Variants in MAN1A1 observed in about 807,000 individuals in gnomAD.
The protein encoded by MAN1A1 is mannosidase alpha class 1A member 1, also known as mannosyl-oligosaccharide 1,2-alpha-mannosidase IA.
Under a neutral mutation model 70.8 loss-of-function variants are expected in MAN1A1, and 29 were observed. The observed-to-expected ratio is 0.41, with a 90% CI of 0.31 to 0.56. The LOEUF (loss-of-function observed/expected upper bound fraction) is 0.56. MAN1A1 is among the 20% of genes least tolerant of loss of function. MAN1A1 has a pLI of 0.29. For synonymous variants in MAN1A1, 349 were observed against 330.1 expected (o/e 1.06, Z -0.62); for missense variants, 747 against 841.3 (o/e 0.89, Z 1.39).
At chr6:119,339,788 A>C (rs547645287) in intron 2 of MAN1A1, among the ~76,000 whole-genome samples, 21 of 152,354 alleles carry the variant, frequency 1.4e-4, no homozygotes, top group Middle Eastern at 3.4e-3. Flanking sequence ...TTCTAAAGCA[A>C]GCCTTTAAGA....
intron 5 of MAN1A1, among the ~76,000 whole-genome samples, chr6:119,276,209 T>A (rs1407321909): frequency 6.6e-6 from 1 of 152,200 alleles, no homozygotes; most frequent in Admixed American, 6.5e-5. Flanking sequence ...GTAGTCCTCA[T>A]CATCTCCCTT....
intron 2 of MAN1A1, chr6:119,327,194 G>A (rs1455329667): frequency 6.6e-6 from 1 of 152,108 alleles, no homozygotes; most frequent in Non-Finnish European, 1.5e-5. Flanking sequence ...TCAGCTGGGG[G>A]CAGAAGAGAT....
At chr6:119,315,187 G>A (rs1198405201) in intron 2 of MAN1A1, among the ~76,000 whole-genome samples, 2 of 152,200 alleles carry the variant, frequency 1.3e-5, no homozygotes, top group African/African-American at 4.8e-5. Context: ...TCAGATTGAG[G>A]TGTCCTGAAT....
chr6:119,182,199 C>T (rs1337558025), intron 11 of MAN1A1, among the ~76,000 whole-genome samples: 4 of 152,150 alleles, frequency 2.6e-5, no homozygotes, highest in African/African-American at 9.7e-5. Flanking sequence ...TCTTCAGGTC[C>T]TTTGCCTATT....
intron 6 of MAN1A1, among the ~76,000 whole-genome samples, chr6:119,227,841 C>A (rs1325354356): frequency 6.6e-6 from 1 of 151,872 alleles, no homozygotes; most frequent in African/African-American, 2.4e-5. Flanking sequence ...TTATTTTTTC[C>A]CATGAAAATT....
chr6:119,216,875 CAG>C (rs1329956844), intron 6 of MAN1A1, among the ~76,000 whole-genome samples: 3 of 152,164 alleles, frequency 2.0e-5, no homozygotes, highest in Non-Finnish European at 2.9e-5. Context: ...TTGCTGAAAA[CAG>C]AAAGTATCCT....
At chr6:119,198,773 T>G (rs1205529588) in intron 8 of MAN1A1, among the ~76,000 whole-genome samples, 1 of 152,238 alleles carries the variant, frequency 6.6e-6, no homozygotes, top group Non-Finnish European at 1.5e-5. Context: ...TTGCTATATG[T>G]TGTTTTGGCT....
At chr6:119,289,705 G>A (rs1203992717) in intron 5 of MAN1A1, among the ~76,000 whole-genome samples, 2 of 151,950 alleles carry the variant, frequency 1.3e-5, no homozygotes, top group African/African-American at 4.8e-5. Context: ...TAAACAGAGA[G>A]GAAATGTAAG....
chr6:119,311,855 C>T (rs1772716415), intron 2 of MAN1A1, among the ~76,000 whole-genome samples: 1 of 152,084 alleles, frequency 6.6e-6, no homozygotes, highest in African/African-American at 2.4e-5. Context: ...CCAACAGATG[C>T]TAGGTAAGGT....
At chr6:119,182,932 T>C (rs144907920) in intron 11 of MAN1A1, among the ~76,000 whole-genome samples, 2 of 152,058 alleles carry the variant, frequency 1.3e-5, no homozygotes, top group Admixed American at 6.6e-5. Context: ...ATGGAAAGCA[T>C]AGACTTTGCC....
chr6:119,286,846 A>G (rs1194445862), intron 5 of MAN1A1, among the ~76,000 whole-genome samples: 3 of 152,110 alleles, frequency 2.0e-5, no homozygotes, highest in Non-Finnish European at 4.4e-5. Context: ...CAGGTATCTT[A>G]TTCAACTGTC....
At chr6:119,203,818 T>A (rs1773783777) in intron 7 of MAN1A1, among the ~76,000 whole-genome samples, 1 of 152,032 alleles carries the variant, frequency 6.6e-6, no homozygotes, top group African/African-American at 2.4e-5. Context: ...AGTGGAGATG[T>A]TTAATAAACA....
chr6:119,192,571 C>G (rs983140981), intron 9 of MAN1A1, among the ~76,000 whole-genome samples: 2 of 152,036 alleles, frequency 1.3e-5, no homozygotes, highest in African/African-American at 4.8e-5. Flanking sequence ...TTAGAAAGAC[C>G]AATTTTATAA....
intron 4 of MAN1A1, 100 bp from the exon 5 acceptor site, chr6:119,290,863 T>G (rs1776519775): frequency 1.3e-6 from 1 of 746,630 alleles, no homozygotes; most frequent in Admixed American, 2.5e-5. Context: ...TCAAATCTTA[T>G]GCTTGCCCAG....
At chr6:119,282,305 C>G (rs1776244208) in intron 5 of MAN1A1, among the ~76,000 whole-genome samples, 1 of 152,116 alleles carries the variant, frequency 6.6e-6, no homozygotes, top group African/African-American at 2.4e-5. Flanking sequence ...AAACAATTAT[C>G]AGTACAAGAT....
chr6:119,312,166 G>T (rs564414940), intron 2 of MAN1A1, among the ~76,000 whole-genome samples: 5 of 152,256 alleles, frequency 3.3e-5, no homozygotes, highest in African/African-American at 1.2e-4. Flanking sequence ...GTCTGAGGTG[G>T]AAGAGCAATC....
intron 6 of MAN1A1, among the ~76,000 whole-genome samples, chr6:119,240,243 C>A (rs949285912): frequency 6.6e-6 from 1 of 152,150 alleles, no homozygotes; most frequent in Non-Finnish European, 1.5e-5. Flanking sequence ...CCTCTAAATT[C>A]TCTACACATC....
chr6:119,177,748 T>C lies in MAN1A1; in HGVS notation c.*2071A>G, dbSNP rs1773043543. The C allele has an allele frequency of 6.6e-6, 1 of 152,074 alleles. No homozygotes were observed. The highest frequency in any genetic ancestry group is 2.1e-4 in the South Asian group (1 of 4,832). 9.4% of individuals were successfully genotyped at this position (152,074 alleles called of 1,614,324 possible). ...TTGTTGCCACTGAGAGAGCAACATA[T>C]AGTACAGCTTCTTGTCTATTCACAC... is the stretch of plus-strand genomic sequence containing the variant. On this transcript the variant is annotated 3_prime_UTR_variant, in exon 13 of 13. Transcript: ENST00000368468.
At chr6:119,212,344 T>C (rs1178688449) in intron 6 of MAN1A1, among the ~76,000 whole-genome samples, 2 of 152,096 alleles carry the variant, frequency 1.3e-5, no homozygotes, top group African/African-American at 4.8e-5. Context: ...CCAAAAGTAA[T>C]GGTAGTTTTT....
Sources: allele counts gnomAD v4.1 joint callset (sites outside exome capture counted in the v4.1 genomes callset), GRCh38; gene constraint gnomAD v4.1.1; transcripts MANE v1.5; gene names NCBI Gene and HGNC (gene_info 2026-07-23, HGNC 2026-07-21).